Variants in CFI observed in about 807,000 individuals in gnomAD.
The protein encoded by CFI is C3B/C4B inactivator.
Under a neutral mutation model 78.8 loss-of-function variants are expected in CFI, and 66 were observed. The observed-to-expected ratio is 0.84, with a 90% CI of 0.69 to 1.03. CFI has a LOEUF of 1.03. Among genes scored for constraint, CFI ranks in the 50% least tolerant of loss-of-function variants. The pLI is 0.00. For synonymous variants in CFI, 250 were observed against 232.6 expected (o/e 1.07, Z -0.68); for missense variants, 706 against 704.5 (o/e 1.00, Z -0.02).
At chr4:109,787,085 C>A (rs1730840378) in intron 1 of CFI, among the ~76,000 whole-genome samples, 2 of 152,034 alleles carry the variant, frequency 1.3e-5, no homozygotes, top group Non-Finnish European at 2.9e-5. Flanking sequence ...CCAGCTGACT[C>A]CCCACTGACC....
chr4:109,752,606 C>G (rs1034922869), intron 7 of CFI, 103 bp from the exon 8 acceptor site: 417 of 937,934 alleles, frequency 4.4e-4, no homozygotes, highest in Non-Finnish European at 5.8e-4. Flanking sequence ...TGCCTTAAAA[C>G]TTATCCTCCC....
rs186248713 is a variant in CFI at position 109,746,972 on chromosome 4, T to C, written c.1149-470A>G. Among the ~76,000 whole-genome samples the C allele has an allele frequency of 4.0e-3, 615 of 152,306 alleles. 2 individuals are homozygous for C. The highest frequency in any genetic ancestry group is 0.014 in the African/African-American group (588 of 41,566). On this transcript the variant is annotated intron_variant, in intron 10 of 12. Coordinates refer to ENST00000394634, the MANE Select transcript of CFI (RefSeq NM_000204.5). ...CCTTAAGACTAACTTTATCCTAACA[T>C]TGCATTGTATTTATTTGTTCACATG...
At chr4:109,781,822 G>A (rs1398684064) in intron 1 of CFI, among the ~76,000 whole-genome samples, 3 of 152,016 alleles carry the variant, frequency 2.0e-5, no homozygotes, top group Admixed American at 2.0e-4. Flanking sequence ...TGATCAAGTA[G>A]GCTTCATACC....
chr4:109,734,416 A>T, the CFI span, among the ~76,000 whole-genome samples: 9 of 152,218 alleles, frequency 5.9e-5, no homozygotes, highest in Non-Finnish European at 1.2e-4. Context: ...TACTAGATTT[A>T]GTAACTTGGG....
chr4:109,761,612 C>CCAAA lies in CFI; in HGVS notation c.562_563insTTTG (p.Gly188ValfsTer9). 1.2e-6 allele frequency: 2 copies of CCAAA among 1,613,874 alleles called. No homozygotes were observed. The highest frequency in any genetic ancestry group is 1.7e-6 in the Non-Finnish European group (2 of 1,179,794). On this transcript the variant is annotated frameshift_variant, in exon 4 of 13. Coordinates refer to ENST00000394634, the MANE Select transcript of CFI (RefSeq NM_000204.5). LOFTEE classifies it high-confidence loss of function. Reference sequence around the variant, plus strand: ...ACATTCAGCCAAACTGGTCTCTAATCCTCGGCAATGCACATGTAGACATTC... The same window carrying CCAAA: ...ACATTCAGCCAAACTGGTCTCTAATCCAAACTCGGCAATGCACATGTAGACATTC...
chr4:109,787,477 C>T (rs1730884274), intron 1 of CFI, among the ~76,000 whole-genome samples: 1 of 152,006 alleles, frequency 6.6e-6, no homozygotes, highest in African/African-American at 2.4e-5. Flanking sequence ...ACAGATGCCC[C>T]ACAAACTCCT....
At chr4:109,751,623 T>C (rs1725149405) in intron 8 of CFI, among the ~76,000 whole-genome samples, 1 of 151,942 alleles carries the variant, frequency 6.6e-6, no homozygotes, top group Non-Finnish European at 1.5e-5. Flanking sequence ...TATATTTTTG[T>C]AGAGATGGGG....
intron 1 of CFI, among the ~76,000 whole-genome samples, chr4:109,796,290 A>T (rs1732050822): frequency 6.6e-6 from 1 of 152,298 alleles, no homozygotes; most frequent in Admixed American, 6.5e-5. Context: ...ACCCAGAAAA[A>T]CTATCCTCTA....
At chr4:109,775,906 A>G (rs750354397) in intron 1 of CFI, among the ~76,000 whole-genome samples, 1 of 152,182 alleles carries the variant, frequency 6.6e-6, no homozygotes, top group Non-Finnish European at 1.5e-5. Flanking sequence ...AAACTCCAAC[A>G]CACCTGCAGC....
At chr4:109,785,996 G>C (rs1426927497) in intron 1 of CFI, among the ~76,000 whole-genome samples, 1 of 151,700 alleles carries the variant, frequency 6.6e-6, no homozygotes, top group Non-Finnish European at 1.5e-5. Flanking sequence ...GTTCTTTATA[G>C]CAGTATGAAA....
chr4:109,761,049 A>G (rs1471599823), intron 4 of CFI, among the ~76,000 whole-genome samples: 1 of 152,174 alleles, frequency 6.6e-6, no homozygotes, highest in African/African-American at 2.4e-5. Context: ...AGGAGTGGGT[A>G]TAGGTTTGGT....
downstream of CFI, chr4:109,740,609 A>G: frequency 2.4e-6 from 1 of 420,622 alleles, no homozygotes; most frequent in Non-Finnish European, 4.4e-6. Context: ...TGTAAGTCCA[A>G]CATTATTCAA....
At chr4:109,781,143 TA>T (rs1424443728) in intron 1 of CFI, among the ~76,000 whole-genome samples, 5 of 151,288 alleles carry the variant, frequency 3.3e-5, no homozygotes, top group East Asian at 1.9e-4. Flanking sequence ...ACTTAAAGTA[TA>T]AAAAAAAATT....
In CFI at chr4:109,765,553, C is replaced by A. The variant is rs563895642; in HGVS notation, c.329-863G>T. Among the ~76,000 whole-genome samples the A allele has an allele frequency of 2.0e-4, 30 of 152,268 alleles. No individual in the cohort carries two copies. The South Asian group carries it at 6.2e-3, about 32-fold the overall frequency. ...CAGTGAGGTCCAGCTTGTCAACAAC[C>A]AAGGTGGGGTTTGGAGGGACTTGAA... On this transcript the variant is annotated intron_variant, in intron 2 of 12. Transcript: ENST00000394634.
chr4:109,753,935 A>ATATTATATATTATCTAATGTATAATTTTG (rs1725768744), intron 7 of CFI, among the ~76,000 whole-genome samples: 4 of 137,740 alleles, frequency 2.9e-5, no homozygotes, highest in African/African-American at 1.1e-4. Context: ...GTATAATTTT[A>ATATTATATATTATCTAATGTATAATTTTG]TATTATATAT....
chr4:109,755,383 C>G (rs970313665), intron 7 of CFI, among the ~76,000 whole-genome samples: 1 of 152,118 alleles, frequency 6.6e-6, no homozygotes. Flanking sequence ...GATATGCATA[C>G]TCTAAGATTC....
In CFI at chr4:109,741,008, C is replaced by T. The variant is rs121964915; in HGVS notation, c.1637G>A (p.Trp546Ter). The change falls in exon 13 of 13, where the codon TGG becomes TAG. Residue 546 changes from tryptophan to a stop codon, truncating the protein, a stop_gained. Coordinates refer to ENST00000394634, the MANE Select transcript of CFI (RefSeq NM_000204.5). LOFTEE classifies it high-confidence loss of function. ...CTCTGGTTTTCCACAGTTTTCCCCCCAACTCACAACACCCCAGACATAAGT... is the reference window on the plus strand; with the variant it reads ...CTCTGGTTTTCCACAGTTTTCCCCCTAACTCACAACACCCCAGACATAAGT... Reference protein sequence around the residue: ...NVTYVWGVVSWGENCGKPEFP... With the variant: ...NVTYVWGVVS The T allele has an allele frequency of 2.5e-6, 4 of 1,614,166 alleles. No homozygotes were observed. The highest frequency in any genetic ancestry group is 3.4e-6 in the Non-Finnish European group (4 of 1,180,006).
the CFI span, among the ~76,000 whole-genome samples, chr4:109,734,352 AAGAC>A: frequency 1.2e-3 from 179 of 152,310 alleles, no homozygotes; most frequent in African/African-American, 4.2e-3. Flanking sequence ...GTGTCAAAGA[AAGAC>A]AGAACCACCC....
At chr4:109,775,087 C>T (rs949233520) in intron 1 of CFI, among the ~76,000 whole-genome samples, 2 of 152,128 alleles carry the variant, frequency 1.3e-5, no homozygotes, top group African/African-American at 2.4e-5. Flanking sequence ...GTCTGCAGCT[C>T]CCAGTGTGAG....
Sources: gnomAD v4.1 joint callset for allele counts (sites outside exome capture counted in the v4.1 genomes callset) on GRCh38, gnomAD v4.1.1 for gene constraint, MANE v1.5 for transcripts, NCBI Gene and HGNC (gene_info 2026-07-23, HGNC 2026-07-21) for gene names.